LARS2: variants seen among roughly 807,000 people sequenced by gnomAD.
LARS2 encodes the protein leucyl-tRNA synthetase 2, mitochondrial.
LARS2 carries 81 observed loss-of-function variants against 116.6 expected under a neutral mutation model. The observed-to-expected ratio is 0.69, with a 90% CI of 0.58 to 0.84. LARS2 has a LOEUF of 0.84. Among genes scored for constraint, LARS2 ranks in the 40% least tolerant of loss-of-function variants. LARS2 has a pLI of 0.00. For synonymous variants in LARS2, 396 were observed against 407.2 expected (o/e 0.97, Z 0.33); for missense variants, 968 against 1,114.5 (o/e 0.87, Z 1.87).
intron 15 of LARS2, among the ~76,000 whole-genome samples, chr3:45,508,951 C>T (rs980320116): frequency 6.6e-6 from 1 of 151,830 alleles, no homozygotes; most frequent in Non-Finnish European, 1.5e-5. Flanking sequence ...CAATGCCCAG[C>T]AGCTATCAGT....
At chr3:45,398,457 G>A (rs992317607) in intron 3 of LARS2, among the ~76,000 whole-genome samples, 1 of 152,162 alleles carries the variant, frequency 6.6e-6, no homozygotes, top group African/African-American at 2.4e-5. Context: ...ATTACTTCAG[G>A]GGAAGCAAAT....
Position 45,548,799 on chromosome 3 carries a change from A to ATGACTT in LARS2, c.*1271_*1276dup, listed in dbSNP as rs1700909770. 6.6e-6 allele frequency: 1 copy of ATGACTT among 152,230 alleles called. No individual in the cohort carries two copies. Among genetic ancestry groups the ATGACTT allele is most frequent in the African/African-American group, 2.4e-5 (1 of 41,462 alleles). 9.4% of individuals were successfully genotyped at this position (152,230 alleles called of 1,614,324 possible). A position where few individuals can be genotyped will look rare whatever the true frequency, so the allele number is the denominator to read the frequency against. On this transcript the variant is annotated 3_prime_UTR_variant, in exon 22 of 22. Transcript: ENST00000645846. ...CCCCCTGCAGTTCAGCAGTTAACAG[A>ATGACTT]TGACTTTTTTAGTGTAATAAAATGT...
chr3:45,439,616 T>A (rs77454942), intron 6 of LARS2, among the ~76,000 whole-genome samples: 19,281 of 135,000 alleles, frequency 0.14, 1,462 homozygotes, highest in Middle Eastern at 0.21. Context: ...AAGTTGTTAT[T>A]TCTAACTGTT....
intron 3 of LARS2, 100 bp downstream of exon 3, chr3:45,394,787 AC>A (rs1698016559): frequency 1.8e-5 from 13 of 738,686 alleles, no homozygotes; most frequent in Admixed American, 1.4e-4. Context: ...TAAATATGTG[AC>A]CTTGAACCAA....
intron 20 of LARS2, among the ~76,000 whole-genome samples, chr3:45,527,976 A>C (rs2125761761): frequency 6.6e-6 from 1 of 152,348 alleles, no homozygotes; most frequent in Non-Finnish European, 1.5e-5. Flanking sequence ...ACTGAGAATA[A>C]AAATCCCCTA....
rs200731158 is a variant in LARS2 at position 45,405,148 on chromosome 3, C to G, written c.363+4775C>G. Among the ~76,000 whole-genome samples the G allele has an allele frequency of 2.0e-5, 3 of 147,946 alleles. No individual in the cohort carries two copies. In the East Asian group the frequency reaches 5.9e-4, roughly 29 times the overall value. On this transcript the variant is annotated intron_variant, in intron 4 of 21. Transcript: ENST00000645846. Reference sequence around the variant, plus strand: ...TCTTTTTCTTTATACAAGATGGGGTCTCACTATGTTGATCAGGCTGGTCTT... The same window carrying G: ...TCTTTTTCTTTATACAAGATGGGGTGTCACTATGTTGATCAGGCTGGTCTT...
intron 6 of LARS2, among the ~76,000 whole-genome samples, chr3:45,423,558 T>C (rs1487323592): frequency 6.6e-6 from 1 of 152,194 alleles, no homozygotes; most frequent in Admixed American, 6.5e-5. Context: ...AGTGATCCAC[T>C]GTGCCTGGCC....
At chr3:45,460,255 C>T (rs1224603356) in intron 8 of LARS2, among the ~76,000 whole-genome samples, 1 of 152,204 alleles carries the variant, frequency 6.6e-6, no homozygotes, top group South Asian at 2.1e-4. Context: ...TTAAGCACAG[C>T]AATATTGGAG....
At chr3:45,489,927 A>G (rs1314962531) in intron 12 of LARS2, among the ~76,000 whole-genome samples, 2 of 152,144 alleles carry the variant, frequency 1.3e-5, no homozygotes, top group Non-Finnish European at 2.9e-5. Context: ...GCTCTGAATC[A>G]CCTGGGAGGT....
intron 10 of LARS2, among the ~76,000 whole-genome samples, chr3:45,479,318 G>A (rs1218205545): frequency 1.3e-5 from 2 of 152,142 alleles, no homozygotes; most frequent in African/African-American, 4.8e-5. Flanking sequence ...AGCTTTGAGG[G>A]GCCCTGTGGA....
intron 3 of LARS2, among the ~76,000 whole-genome samples, 183 bp from the exon 4 acceptor site, chr3:45,400,062 T>C (rs1470557997): frequency 6.6e-6 from 1 of 152,250 alleles, no homozygotes; most frequent in African/African-American, 2.4e-5. Flanking sequence ...TTCTTTAGCT[T>C]AAACCAGGGC....
chr3:45,442,322 G>GCATCCAAA (rs1190721042), intron 6 of LARS2, among the ~76,000 whole-genome samples: 3 of 152,166 alleles, frequency 2.0e-5, no homozygotes, highest in Non-Finnish European at 4.4e-5. Context: ...GGTTCAGTCT[G>GCATCCAAA]GAATTTGGGT....
At chr3:45,415,897 A>AGG (rs1559461425) in intron 4 of LARS2, among the ~76,000 whole-genome samples, 11 of 102,128 alleles carry the variant, frequency 1.1e-4, no homozygotes, top group African/African-American at 4.9e-4. Flanking sequence ...AGAGAGGGAG[A>AGG]GAGAGAGAGA....
At chr3:45,422,763 T>G (rs1698535500) in intron 6 of LARS2, among the ~76,000 whole-genome samples, 1 of 152,204 alleles carries the variant, frequency 6.6e-6, no homozygotes, top group African/African-American at 2.4e-5. Flanking sequence ...CAATGCCATC[T>G]CCACCTTCTG....
intron 4 of LARS2, among the ~76,000 whole-genome samples, chr3:45,410,580 G>C (rs1207665231): frequency 6.6e-6 from 1 of 152,042 alleles, no homozygotes; most frequent in East Asian, 1.9e-4. Context: ...GGGCCCACTG[G>C]GTATTGGTAC....
intron 10 of LARS2, 101 bp from the exon 11 acceptor site, chr3:45,485,591 G>T (rs1297016518): frequency 3.2e-6 from 2 of 624,360 alleles, no homozygotes; most frequent in African/African-American, 1.8e-5. Flanking sequence ...AGAAAGCACA[G>T]AAGTTCTAGT....
At chr3:45,415,812 C>T (rs1025509058) in intron 4 of LARS2, among the ~76,000 whole-genome samples, 43 of 145,344 alleles carry the variant, frequency 3.0e-4, no homozygotes, top group African/African-American at 1.1e-3. Context: ...TGCACCATTG[C>T]ACTCCAGCCT....
intron 4 of LARS2, among the ~76,000 whole-genome samples, chr3:45,415,460 T>A (rs1180587652): frequency 6.6e-6 from 1 of 152,206 alleles, no homozygotes; most frequent in Non-Finnish European, 1.5e-5. Flanking sequence ...ATCCCCATTT[T>A]ACAGACGATG....
At chr3:45,462,754 T>C (rs1699354071) in intron 8 of LARS2, among the ~76,000 whole-genome samples, 1 of 152,216 alleles carries the variant, frequency 6.6e-6, no homozygotes, top group South Asian at 2.1e-4. Flanking sequence ...GATGTATGAC[T>C]GTGGTCTTCT....
Sources: gnomAD v4.1 joint callset for allele counts (sites outside exome capture counted in the v4.1 genomes callset) on GRCh38, gnomAD v4.1.1 for gene constraint, MANE v1.5 for transcripts, NCBI Gene and HGNC (gene_info 2026-07-23, HGNC 2026-07-21) for gene names.